The following IL1RAP variants were observed in gnomAD, a reference collection of about 807,000 sequenced individuals.
IL1RAP encodes interleukin 1 receptor accessory protein.
A neutral mutation model predicts 60.7 loss-of-function variants in IL1RAP; 35 were observed. That is an observed-to-expected ratio of 0.58 (90% CI 0.44 to 0.76). The LOEUF (loss-of-function observed/expected upper bound fraction) is 0.76, where lower values mean the gene tolerates loss of function less well. Among genes scored for constraint, IL1RAP ranks in the 30% least tolerant of loss-of-function variants. The pLI is 0.00. For missense variants in IL1RAP, 572 were observed against 693.9 expected (o/e 0.82, Z 1.97); for synonymous variants, 268 against 250.9 (o/e 1.07, Z -0.64).
At chr3:190,547,626 G>A (rs1227899205) in intron 1 of IL1RAP, among the ~76,000 whole-genome samples, 3 of 152,166 alleles carry the variant, frequency 2.0e-5, no homozygotes, top group African/African-American at 4.8e-5. Flanking sequence ...ATAATAGGCT[G>A]TTTTCTCCTA....
chr3:190,648,306 A>G, intron 11 of IL1RAP, 32 bp from the exon 12 acceptor site: 1 of 1,543,878 alleles, frequency 6.5e-7, no homozygotes, highest in Non-Finnish European at 8.7e-7. Context: ...TTTTTGGCCA[A>G]CACTAATCCC....
At chr3:190,572,984 C>T (rs1261451314) in intron 3 of IL1RAP, among the ~76,000 whole-genome samples, 1 of 94,216 alleles carries the variant, frequency 1.1e-5, no homozygotes, top group East Asian at 2.2e-4. Flanking sequence ...CTGCCTCAGC[C>T]TCCCGAGTAG....
intron 3 of IL1RAP, among the ~76,000 whole-genome samples, chr3:190,591,959 T>G (rs1728978799): frequency 6.6e-6 from 1 of 152,132 alleles, no homozygotes; most frequent in African/African-American, 2.4e-5. Flanking sequence ...TTACAGTAAT[T>G]TTTTTTAAAG....
chr3:190,639,901 A>G (rs1733528830), intron 9 of IL1RAP, among the ~76,000 whole-genome samples: 1 of 150,412 alleles, frequency 6.6e-6, no homozygotes, highest in Non-Finnish European at 1.5e-5. Flanking sequence ...AGCTAAACAC[A>G]GTCTCTTCAC....
In IL1RAP at chr3:190,559,089, C is replaced by T. The variant is rs1316568845; in HGVS notation, c.-2+2873C>T. Among the ~76,000 whole-genome samples, 5 of 152,110 alleles carry T rather than the reference C, an allele frequency of 3.3e-5. No individual in the cohort carries two copies. In the East Asian group the frequency reaches 9.7e-4, roughly 29 times the overall value. On this transcript the variant is annotated intron_variant, in intron 2 of 11. Transcript: ENST00000447382. ...TTAATAGTTATTGGACTATTCAGGTCGTCTGTTTCATCTTAGCTGAGCTTT... is the reference window on the plus strand; with the variant it reads ...TTAATAGTTATTGGACTATTCAGGTTGTCTGTTTCATCTTAGCTGAGCTTT...
At chr3:190,584,085 T>C (rs1385625396) in intron 3 of IL1RAP, among the ~76,000 whole-genome samples, 1 of 152,202 alleles carries the variant, frequency 6.6e-6, no homozygotes, top group Non-Finnish European at 1.5e-5. Context: ...CACTGATCGT[T>C]TTCTGCTCCT....
chr3:190,608,499 A>T (rs116653385), intron 4 of IL1RAP, among the ~76,000 whole-genome samples: 1 of 152,320 alleles, frequency 6.6e-6, no homozygotes, highest in Non-Finnish European at 1.5e-5. Flanking sequence ...CAGTGAATGA[A>T]TGTGAAAGCC....
intron 1 of IL1RAP, among the ~76,000 whole-genome samples, chr3:190,536,822 G>T (rs2108551080): frequency 6.6e-6 from 1 of 152,250 alleles, no homozygotes; most frequent in East Asian, 1.9e-4. Context: ...TGGAAAAAAT[G>T]TGAAAGACAC....
Position 190,648,911 on chromosome 3 carries a change from A to AC in IL1RAP, c.*208dup. The AC allele has an allele frequency of 1.5e-6, 2 of 1,352,726 alleles. No individual in the cohort carries two copies. The highest frequency in any genetic ancestry group is 1.9e-6 in the Non-Finnish European group (2 of 1,054,670). 83.8% of individuals were successfully genotyped at this position (1,352,726 alleles called of 1,614,324 possible). On this transcript the variant is annotated 3_prime_UTR_variant, in exon 12 of 12. Coordinates refer to ENST00000447382, the MANE Select transcript of IL1RAP (RefSeq NM_002182.4). ...AGAAAGATATCATCAACGTTCTGTC[A>AC]CCAGTCTCTGATGCCACTATGTTCT...
At chr3:190,531,328 A>G (rs548372902) in intron 1 of IL1RAP, among the ~76,000 whole-genome samples, 1 of 152,262 alleles carries the variant, frequency 6.6e-6, no homozygotes, top group South Asian at 2.1e-4. Flanking sequence ...CTTTCCACCC[A>G]AAGAACAGGC....
intron 3 of IL1RAP, among the ~76,000 whole-genome samples, chr3:190,585,920 C>T (rs1457644475): frequency 2.0e-5 from 3 of 152,208 alleles, no homozygotes; most frequent in Non-Finnish European, 2.9e-5. Context: ...TGACCCTAGT[C>T]TCATTGACCC....
downstream of IL1RAP, among the ~76,000 whole-genome samples, chr3:190,654,457 GAATTT>G (rs1734539637): frequency 6.6e-6 from 1 of 151,656 alleles, no homozygotes; most frequent in Non-Finnish European, 1.5e-5. Flanking sequence ...TGATAAACGA[GAATTT>G]AAATTTATCT....
intron 2 of IL1RAP, among the ~76,000 whole-genome samples, chr3:190,561,985 ATT>A (rs1725927290): frequency 6.6e-6 from 1 of 152,074 alleles, no homozygotes; most frequent in Admixed American, 6.5e-5. Context: ...GTGACTCCCT[ATT>A]TGCTCTTTAA....
downstream of IL1RAP, among the ~76,000 whole-genome samples, chr3:190,654,168 T>C (rs1367261972): frequency 1.4e-5 from 2 of 147,086 alleles, no homozygotes; most frequent in Non-Finnish European, 1.5e-5. Context: ...CTAAGGTGAC[T>C]GTTTTGAAGT....
chr3:190,574,028 G>A (rs1727233558), intron 3 of IL1RAP, among the ~76,000 whole-genome samples: 1 of 152,124 alleles, frequency 6.6e-6, no homozygotes, highest in Non-Finnish European at 1.5e-5. Flanking sequence ...GGTAAAATTT[G>A]TATTGCTCTT....
At chr3:190,569,333 G>A (rs1461310774) in intron 3 of IL1RAP, among the ~76,000 whole-genome samples, 1 of 152,076 alleles carries the variant, frequency 6.6e-6, no homozygotes, top group Non-Finnish European at 1.5e-5. Flanking sequence ...AGCCCCAGTG[G>A]CCTCATTTTA....
At chr3:190,533,963 T>C (rs553466700) in intron 1 of IL1RAP, among the ~76,000 whole-genome samples, 7 of 152,068 alleles carry the variant, frequency 4.6e-5, no homozygotes, top group African/African-American at 1.4e-4. Context: ...TTTTTTTTTT[T>C]CTTCTATTTT....
intron 3 of IL1RAP, among the ~76,000 whole-genome samples, chr3:190,575,983 G>A (rs1727407672): frequency 6.6e-6 from 1 of 152,160 alleles, no homozygotes; most frequent in African/African-American, 2.4e-5. Context: ...CAGCTCTGCA[G>A]CTGGCGGCTA....
intron 5 of IL1RAP, among the ~76,000 whole-genome samples, chr3:190,617,662 A>G (rs936736940): frequency 1.3e-5 from 2 of 152,230 alleles, no homozygotes; most frequent in African/African-American, 4.8e-5. Flanking sequence ...CTGGATTCCA[A>G]ATAAATGGTT....
Sources: allele counts gnomAD v4.1 joint callset (sites outside exome capture counted in the v4.1 genomes callset), GRCh38; gene constraint gnomAD v4.1.1; transcripts MANE v1.5; gene names NCBI Gene and HGNC (gene_info 2026-07-23, HGNC 2026-07-21).